Variants in AFF3 observed in about 807,000 individuals in gnomAD.
AFF3 encodes ALF transcription elongation factor 3.
A neutral mutation model predicts 129.7 loss-of-function variants in AFF3; 32 were observed. That is an observed-to-expected ratio of 0.25 (90% CI 0.19 to 0.33). The LOEUF (loss-of-function observed/expected upper bound fraction) is 0.33, where lower values mean the gene tolerates loss of function less well. Among genes scored for constraint, AFF3 ranks in the 10% least tolerant of loss-of-function variants. The pLI, the probability that AFF3 is intolerant of heterozygous loss-of-function variation, is 1.00. For synonymous variants in AFF3, 644 were observed against 635.4 expected (o/e 1.01, Z -0.20); for missense variants, 1,373 against 1,592.0 (o/e 0.86, Z 2.34).
chr2:100,045,454 C>G (rs1317179875), intron 4 of AFF3, among the ~76,000 whole-genome samples: 1 of 152,160 alleles, frequency 6.6e-6, no homozygotes, highest in African/African-American at 2.4e-5. Context: ...CTTATGTCTT[C>G]CCCTTTAAGG....
intron 4 of AFF3, among the ~76,000 whole-genome samples, chr2:100,055,235 T>C (rs1686667616): frequency 6.6e-6 from 1 of 152,112 alleles, no homozygotes; most frequent in Non-Finnish European, 1.5e-5. Context: ...ACCAACATCA[T>C]CTTGTTACCT....
chr2:99,880,543 T>C (rs1233992198), intron 7 of AFF3, among the ~76,000 whole-genome samples: 1 of 152,206 alleles, frequency 6.6e-6, no homozygotes, highest in Non-Finnish European at 1.5e-5. Context: ...GCTGGCGCTA[T>C]GGGCTATGCC....
At chr2:99,970,198 G>A (rs568609708) in intron 7 of AFF3, among the ~76,000 whole-genome samples, 64 of 152,248 alleles carry the variant, frequency 4.2e-4, no homozygotes, top group African/African-American at 1.5e-3. Context: ...ACAGACTGGG[G>A]TTGTCCGTGT....
At chr2:99,614,085 G>A (rs1279043240) in intron 13 of AFF3, among the ~76,000 whole-genome samples, 1 of 152,202 alleles carries the variant, frequency 6.6e-6, no homozygotes, top group African/African-American at 2.4e-5. Context: ...AAGGTGAGAG[G>A]AGGGACAGGC....
At chr2:99,904,530 A>G (rs1694573572) in intron 7 of AFF3, among the ~76,000 whole-genome samples, 1 of 152,188 alleles carries the variant, frequency 6.6e-6, no homozygotes, top group Admixed American at 6.5e-5. Flanking sequence ...ACTAGTTGAT[A>G]TAACAATATC....
intron 4 of AFF3, among the ~76,000 whole-genome samples, chr2:100,034,606 C>T (rs1348470812): frequency 6.6e-6 from 1 of 151,622 alleles, no homozygotes; most frequent in Admixed American, 6.6e-5. Context: ...ATCAGAATAT[C>T]AATGAAGAAA....
intron 13 of AFF3, among the ~76,000 whole-genome samples, chr2:99,629,531 C>T (rs1682932169): frequency 1.3e-5 from 2 of 152,100 alleles, no homozygotes; most frequent in Non-Finnish European, 2.9e-5. Flanking sequence ...CTCTGTAGAC[C>T]CGATTACATA....
At chr2:99,946,236 G>T (rs1004485979) in intron 7 of AFF3, among the ~76,000 whole-genome samples, 3 of 151,846 alleles carry the variant, frequency 2.0e-5, no homozygotes, top group Non-Finnish European at 4.4e-5. Context: ...ACTTTGGGAG[G>T]CTGAGGCAGG....
At chr2:100,070,516 A>ATACGATGTTCATAGTTTATTC (rs999726030) in intron 4 of AFF3, among the ~76,000 whole-genome samples, 1 of 152,220 alleles carries the variant, frequency 6.6e-6, no homozygotes, top group Non-Finnish European at 1.5e-5. Context: ...CTGAATTATT[A>ATACGATGTTCATAGTTTATTC]TACGATGTTC....
At chr2:100,008,760 G>C in intron 5 of AFF3, 52 bp downstream of exon 5, 1 of 1,592,104 alleles carries the variant, frequency 6.3e-7, no homozygotes, top group Non-Finnish European at 8.6e-7. Context: ...ACCGTCACAG[G>C]GAGTGAGAGA....
intron 11 of AFF3, among the ~76,000 whole-genome samples, chr2:99,715,355 G>A (rs1406862483): frequency 1.3e-5 from 2 of 152,178 alleles, no homozygotes; most frequent in Admixed American, 6.5e-5. Context: ...GCAGACACGA[G>A]GCTGTTTTAT....
At chr2:100,124,314 A>G (rs1692098476) in intron 2 of AFF3, among the ~76,000 whole-genome samples, 1 of 152,216 alleles carries the variant, frequency 6.6e-6, no homozygotes, top group African/African-American at 2.4e-5. Context: ...TCCTGAGTGC[A>G]CAGAACAATT....
intron 8 of AFF3, among the ~76,000 whole-genome samples, chr2:99,795,182 C>A (rs1319817871): frequency 1.3e-5 from 2 of 152,156 alleles, no homozygotes; most frequent in African/African-American, 2.4e-5. Context: ...TAAACACACA[C>A]ACACACACCA....
intron 8 of AFF3, among the ~76,000 whole-genome samples, chr2:99,810,707 A>G (rs1018258438): frequency 2.6e-5 from 4 of 152,208 alleles, no homozygotes; most frequent in Admixed American, 6.5e-5. Context: ...TAGTGGCTGA[A>G]AACAACACAG....
At chr2:99,991,055 G>A (rs72819162) in intron 7 of AFF3, among the ~76,000 whole-genome samples, 356 of 152,134 alleles carry the variant, frequency 2.3e-3, no homozygotes, top group East Asian at 3.1e-3. Context: ...ATCTTTACCC[G>A]TGGAACCATC....
At position 99,594,086 on chromosome 2, in the gene AFF3, G is replaced by T. The variant is rs1160919347; in HGVS notation, c.1575C>A (p.Ser525Arg). ...QPSLREKEIK[S>R]TCKEEQRPRT... ...TTGGCCTTTGCTCCTCCTTGCAAGT[G>T]CTCTTGATCTCCTTCTCTCTCAGGC... Residue 525 changes from serine to arginine, a missense_variant, in exon 15 of 25, where the codon AGC becomes AGA. This residue lies in a region of AFF3 where 413 missense variants were observed against 424.4 expected (regional missense o/e 0.97). Transcript: ENST00000672756. 6.2e-7 allele frequency: 1 copy of T among 1,614,000 alleles called. No homozygotes were observed. Among genetic ancestry groups the T allele is most frequent in the Non-Finnish European group, 8.5e-7 (1 of 1,179,952 alleles).
At chr2:100,054,904 G>C (rs547234441) in intron 4 of AFF3, among the ~76,000 whole-genome samples, 12 of 152,282 alleles carry the variant, frequency 7.9e-5, no homozygotes, top group African/African-American at 2.9e-4. Flanking sequence ...TGACTCCAAA[G>C]CTGAACCAGC....
chr2:99,656,727 A>G (rs1685777660), intron 12 of AFF3, among the ~76,000 whole-genome samples: 1 of 152,042 alleles, frequency 6.6e-6, no homozygotes. Context: ...GTGGGCTTCC[A>G]TTTAGTATTT....
At chr2:99,669,887 T>C (rs532984089) in intron 12 of AFF3, among the ~76,000 whole-genome samples, 4 of 152,182 alleles carry the variant, frequency 2.6e-5, no homozygotes, top group African/African-American at 9.6e-5. Context: ...GAGGCGGAGG[T>C]TGCAGTGAGC....
Sources: gnomAD v4.1 joint callset for allele counts (sites outside exome capture counted in the v4.1 genomes callset) on GRCh38, gnomAD v4.1.1 for gene constraint, gnomAD v4.1.1 regional missense constraint, MANE v1.5 for transcripts, NCBI Gene and HGNC (gene_info 2026-07-23, HGNC 2026-07-21) for gene names.